NRG2: variants seen among roughly 807,000 people sequenced by gnomAD.
NRG2 encodes neuregulin 2.
NRG2 carries 27 observed loss-of-function variants against 73.9 expected under a neutral mutation model. The ratio of observed to expected loss-of-function variants is 0.37; its 90% CI spans 0.27 to 0.50. The LOEUF is 0.50. Among genes scored for constraint, NRG2 ranks in the 20% least tolerant of loss-of-function variants. The pLI, the probability that NRG2 is intolerant of heterozygous loss-of-function variation, is 0.96. For missense variants in NRG2, 1,126 were observed against 1,210.1 expected (o/e 0.93, Z 1.03); for synonymous variants, 532 against 541.0 (o/e 0.98, Z 0.23).
intron 9 of NRG2, 79 bp from the exon 10 acceptor site, chr5:139,848,776 T>TGGGGGGGGGGGGGGGGGGG: frequency 2.5e-5 from 1 of 39,556 alleles, no homozygotes; most frequent in Non-Finnish European, 4.7e-5. Context: ...TGGGGTAGGG[T>TGGGGGGGGGGGGGGGGGGG]GGGAGGGGCG....
In NRG2 at chr5:140,042,177, G is replaced by C. The variant is rs1284717078; in HGVS notation, c.700+193C>G. On this transcript the variant is annotated intron_variant, in intron 1 of 9. Transcript: ENST00000361474. ...GCCCCCCACCCCTGGCACACTTTGA[G>C]CCTGATCCTTCTTCTCTCCAACCCC... Among the ~76,000 whole-genome samples the C allele has an allele frequency of 4.7e-5, 7 of 147,984 alleles. No individual in the cohort carries two copies. The South Asian group carries it at 6.6e-4, about 14-fold the overall frequency.
At chr5:140,038,304 G>A (rs1407009237) in intron 1 of NRG2, among the ~76,000 whole-genome samples, 4 of 151,982 alleles carry the variant, frequency 2.6e-5, no homozygotes, top group African/African-American at 9.7e-5. Flanking sequence ...TCAAACCGAC[G>A]GTTGTTTTAT....
intron 4 of NRG2, among the ~76,000 whole-genome samples, chr5:139,867,993 A>C (rs1268950776): frequency 2.6e-5 from 4 of 152,132 alleles, no homozygotes; most frequent in Non-Finnish European, 4.4e-5. Context: ...TCTCACACCC[A>C]GCCTGGACTA....
intron 6 of NRG2, among the ~76,000 whole-genome samples, chr5:139,854,064 T>C (rs1416055149): frequency 6.6e-6 from 1 of 152,212 alleles, no homozygotes. Context: ...CCCATAAATA[T>C]ATACACCTAC....
intron 1 of NRG2, among the ~76,000 whole-genome samples, chr5:139,921,892 A>T (rs1478224269): frequency 1.3e-5 from 2 of 151,838 alleles, no homozygotes; most frequent in Non-Finnish European, 2.9e-5. Flanking sequence ...CGAAACACCA[A>T]AACACTCTAC....
At chr5:139,899,692 C>T (rs1025473247) in intron 1 of NRG2, among the ~76,000 whole-genome samples, 3 of 152,200 alleles carry the variant, frequency 2.0e-5, no homozygotes, top group Admixed American at 2.0e-4. Flanking sequence ...ATCTTTGTAT[C>T]CTCTCAACTC....
rs1216350870 is a variant in NRG2, at chr5:139,894,155, C to T, written c.701-6644G>A. ...CAGATCTGAGAGCAAGACAGACGCTCAGGACATGGCTGGGCAACCCAGCCA... is the reference window on the plus strand; with the variant it reads ...CAGATCTGAGAGCAAGACAGACGCTTAGGACATGGCTGGGCAACCCAGCCA... On this transcript the variant is annotated intron_variant, in intron 1 of 9. Transcript: ENST00000361474. The surrounding 1 kb of genome is among the most constrained non-coding windows in gnomAD (Gnocchi z 5.0). Among the ~76,000 whole-genome samples the T allele has an allele frequency of 6.6e-6, 1 of 152,208 alleles. No individual in the cohort carries two copies.
At chr5:139,989,355 C>T (rs1015992443) in intron 1 of NRG2, among the ~76,000 whole-genome samples, 2 of 151,924 alleles carry the variant, frequency 1.3e-5, no homozygotes, top group East Asian at 3.8e-4. Flanking sequence ...GCAGTCAGAG[C>T]TGTCTACTTT....
chr5:139,982,995 G>A (rs1257328510), intron 1 of NRG2, among the ~76,000 whole-genome samples: 3 of 152,220 alleles, frequency 2.0e-5, no homozygotes, highest in Non-Finnish European at 4.4e-5. Context: ...GCCAGGCCCT[G>A]ATGTCTGGGG....
chr5:139,957,012 A>G (rs1051372643), intron 1 of NRG2, among the ~76,000 whole-genome samples: 3 of 152,210 alleles, frequency 2.0e-5, no homozygotes, highest in African/African-American at 2.4e-5. Context: ...TGAAAGGAAC[A>G]TCTGGCTGAT....
chr5:139,875,222 A>G (rs1446010320), intron 3 of NRG2, among the ~76,000 whole-genome samples: 1 of 152,160 alleles, frequency 6.6e-6, no homozygotes, highest in Non-Finnish European at 1.5e-5. Flanking sequence ...CATGTTGGCC[A>G]GGATGGTCTC....
intron 1 of NRG2, among the ~76,000 whole-genome samples, chr5:140,037,525 G>C (rs1364198153): frequency 6.6e-6 from 1 of 152,198 alleles, no homozygotes; most frequent in Non-Finnish European, 1.5e-5. Flanking sequence ...TCTTGGGCCA[G>C]GTTAAGAAAA....
rs78203276 is a variant in NRG2, at chr5:139,936,796, A to T, written c.701-49285T>A. Among the ~76,000 whole-genome samples, 14 of 152,302 alleles carry T rather than the reference A, an allele frequency of 9.2e-5. No homozygotes were observed. In the East Asian group the frequency reaches 2.3e-3, roughly 25 times the overall value. On this transcript the variant is annotated intron_variant, in intron 1 of 9. Transcript: ENST00000361474. ...AAATAAAGATTTTTAAAAATTTTTT[A>T]AATTTTCATTACTATTATTTTTTGA...
At chr5:139,880,710 T>C (rs1763476460) in intron 3 of NRG2, 146 bp downstream of exon 3, 1 of 585,190 alleles carries the variant, frequency 1.7e-6, no homozygotes. Flanking sequence ...CTGAATCGGC[T>C]GAGATCTAGG....
chr5:139,908,448 A>G (rs747655236), intron 1 of NRG2, among the ~76,000 whole-genome samples: 1 of 152,170 alleles, frequency 6.6e-6, no homozygotes, highest in Non-Finnish European at 1.5e-5. Context: ...AGACAGTGAA[A>G]ATGGTAGCAG....
chr5:140,017,452 A>T (rs1388479754), intron 1 of NRG2, among the ~76,000 whole-genome samples: 1 of 152,202 alleles, frequency 6.6e-6, no homozygotes, highest in African/African-American at 2.4e-5. Flanking sequence ...GTAGACAGGA[A>T]AGAGCTAAAA....
chr5:139,948,495 C>T (rs567342933), intron 1 of NRG2, among the ~76,000 whole-genome samples: 3 of 152,308 alleles, frequency 2.0e-5, no homozygotes, highest in African/African-American at 7.2e-5. Context: ...AGCCCTTCTC[C>T]TGACCGCCAT....
intron 1 of NRG2, among the ~76,000 whole-genome samples, chr5:140,020,631 A>G (rs529529907): frequency 6.6e-6 from 1 of 152,362 alleles, no homozygotes; most frequent in East Asian, 1.9e-4. Flanking sequence ...ACCAGAACAC[A>G]CTGAATGATG....
chr5:140,026,540 G>A (rs1241107731), intron 1 of NRG2, among the ~76,000 whole-genome samples: 1 of 152,048 alleles, frequency 6.6e-6, no homozygotes, highest in Non-Finnish European at 1.5e-5. Flanking sequence ...GGTCCAAGCT[G>A]TAGTATGCTA....
Sources: allele counts gnomAD v4.1 joint callset (sites outside exome capture counted in the v4.1 genomes callset), GRCh38; gene constraint gnomAD v4.1.1; non-coding constraint Gnocchi (gnomAD v3.1); transcripts MANE v1.5; gene names NCBI Gene and HGNC (gene_info 2026-07-23, HGNC 2026-07-21).